Variants in HIRIP3 observed in about 807,000 individuals in gnomAD.
HIRIP3 encodes HIRA interacting protein 3, also known as HIRA-interacting protein 3.
HIRIP3 carries 40 observed loss-of-function variants against 50.3 expected under a neutral mutation model. The observed-to-expected ratio is 0.79, with a 90% CI of 0.62 to 1.03. The LOEUF is 1.03. Among genes scored for constraint, HIRIP3 ranks in the 50% least tolerant of loss-of-function variants. The pLI is 0.00. For missense variants in HIRIP3, 765 were observed against 705.4 expected (o/e 1.08, Z -0.96); for synonymous variants, 318 against 261.6 (o/e 1.22, Z -2.08).
rs745629063 is a variant in HIRIP3, at chr16:29,993,709, C to T, written c.1339G>A (p.Gly447Ser). 2 of 1,609,604 alleles carry T rather than the reference C, an allele frequency of 1.2e-6. No homozygotes were observed. The highest frequency in any genetic ancestry group is 1.1e-5 in the South Asian group (1 of 91,088). Residue 447 changes from glycine (G) to serine (S), a missense_variant, in exon 5 of 7, where the codon GGC (glycine) becomes AGC (serine). By Grantham distance (56) the Gly-to-Ser change is moderately conservative. Transcript: ENST00000279392. ...GAHRNYKKLL[G>S]SCCSHKERLS... ...CGCTCCTTGTGTGAGCAACAGGAGC[C>T]CAACAGCTTCTTGTAGTTTCGATGG...
rs145321753 is a variant in HIRIP3 at position 29,993,890 on chromosome 16, C to T, written c.1239+16G>A. The T allele has an allele frequency of 4.4e-6, 7 of 1,583,034 alleles. No homozygotes were observed. The highest frequency in any genetic ancestry group is 6.0e-6 in the Non-Finnish European group (7 of 1,162,572). On this transcript the variant is annotated intron_variant, in intron 4 of 6. Transcript: ENST00000279392. The stretch of plus-strand genomic sequence containing the variant: ...CTCTTCCCTAATAGTGGCCTCCCAC[C>T]CCTCCTCACCCTCACCTTCCCTCCT...
chr16:29,994,586 C>T lies in HIRIP3; in HGVS notation c.559G>A (p.Val187Ile), dbSNP rs770674805. 2 of 1,614,186 alleles carry T rather than the reference C, an allele frequency of 1.2e-6. No individual in the cohort carries two copies. The highest frequency in any genetic ancestry group is 1.1e-5 in the South Asian group (1 of 91,084). The change falls in exon 4 of 7, where the codon GTC becomes ATC. Residue 187 changes from valine to isoleucine, a missense_variant. Val to Ile is a conservative substitution (Grantham distance 29). Coordinates refer to ENST00000279392, the MANE Select transcript of HIRIP3 (RefSeq NM_003609.5). ...VKKQAPGKAS[V>I]SRKQAREESE... ...TCTTCCCTGGCCTGCTTCCTACTGA[C>T]TGAGGCCTTGCCTGGTGCCTGCTTC...
At chr16:29,995,710 C>A (rs551166516), upstream of HIRIP3, 6 of 1,435,904 alleles carry the variant, frequency 4.2e-6, no homozygotes, top group African/African-American at 1.4e-5. Flanking sequence ...CAACGTGGGG[C>A]GAGGGACCGT....
In HIRIP3 at chr16:29,995,427, T is replaced by C. The variant is rs2150916464; in HGVS notation, c.102A>G (p.Leu34=). The C allele has an allele frequency of 6.2e-7, 1 of 1,613,796 alleles. No individual in the cohort carries two copies. The highest frequency in any genetic ancestry group is 8.5e-7 in the Non-Finnish European group (1 of 1,179,906). Residue 34 remains leucine (L), a synonymous_variant, in exon 2 of 7, where the codon TTA becomes TTG. Transcript: ENST00000279392. ...CCAGGTGGCTGCGGCCCGAGTGAGC[T>C]AAGTACCTCCGCCGCACGATGGAAT... The part of the protein sequence containing the change: ...LTHSIVRRRY[L]AHSGRSHLEP...
At position 29,994,495 on chromosome 16, in the gene HIRIP3, G is replaced by T. The variant is rs371999310; in HGVS notation, c.650C>A (p.Thr217Asn). The T allele has an allele frequency of 1.7e-5, 28 of 1,613,776 alleles. No homozygotes were observed. The African/African-American group carries it at 3.6e-4, about 21-fold the overall frequency. ...CTGTTCACTTTCCTTCAGGCTTTTA[G>T]TTCCTTTATTTCCCTCCACCTTCTT... ...TAKKVEGNKG[T>N]KSLKESEQES... Residue 217 changes from threonine (T) to asparagine (N), a missense_variant, in exon 4 of 7, where the codon ACT becomes AAT. Transcript: ENST00000279392.
chr16:29,995,832 T>G (rs2070087387), upstream of HIRIP3: 1 of 611,474 alleles, frequency 1.6e-6, no homozygotes, highest in Admixed American at 3.0e-5. Context: ...CGGATCATTT[T>G]AAAAGTTCTC....
rs2070023007 is a variant in HIRIP3 at position 29,993,919 on chromosome 16, G to A, written c.1226C>T (p.Ala409Val). The A allele has an allele frequency of 6.4e-7, 1 of 1,567,792 alleles. No homozygotes were observed. The highest frequency in any genetic ancestry group is 8.6e-7 in the Non-Finnish European group (1 of 1,156,152). ...SSSSSDGSPE[A>V]KGGKAGSGRR... ...CCTCACCCTCACCTTCCCTCCTTTG[G>A]CCTCTGGACTTCCATCTGAGGAGGA... Residue 409 changes from alanine to valine, a missense_variant, in exon 4 of 7, where the codon GCC becomes GTC. Transcript: ENST00000279392.
Position 29,993,113 on chromosome 16 carries a change from T to C in HIRIP3, c.*94A>G, listed in dbSNP as rs2070005412. The C allele has an allele frequency of 8.9e-6, 11 of 1,229,780 alleles. No individual in the cohort carries two copies. The East Asian group carries it at 2.7e-4, about 30-fold the overall frequency. 76.2% of individuals were successfully genotyped at this position (1,229,780 alleles called of 1,614,324 possible). On this transcript the variant is annotated 3_prime_UTR_variant, in exon 7 of 7. Coordinates refer to ENST00000279392, the MANE Select transcript of HIRIP3 (RefSeq NM_003609.5). ...TGTCCTTGGGAGCTGCAGTCTTCTC[T>C]GAAGGAAGCTGCTTCTGTTCCACAG...
chr16:29,995,334 C>G lies in HIRIP3; in HGVS notation c.186+9G>C, dbSNP rs936584951. ...CGCCTCCCGCGGCCCAGGCTCCGGC[C>G]CGGCACACCTGCATCTTCAGCAGCT... On this transcript the variant is annotated intron_variant, in intron 2 of 6. Transcript: ENST00000279392. 2.5e-6 allele frequency: 4 copies of G among 1,609,466 alleles called. No homozygotes were observed. Among genetic ancestry groups the G allele is most frequent in the Non-Finnish European group, 3.4e-6 (4 of 1,177,908 alleles).
chr16:29,995,506 G>A (rs1001640977), intron 1 of HIRIP3, 35 bp downstream of exon 1: 2 of 1,613,496 alleles, frequency 1.2e-6, no homozygotes, highest in Admixed American at 3.3e-5. Flanking sequence ...ACCCACCCGC[G>A]CCCTTTCCAA....
At position 29,995,419 on chromosome 16, in the gene HIRIP3, G is replaced by C; in HGVS notation, c.110C>G (p.Ser37Trp). Residue 37 changes from serine (S) to tryptophan (W), a missense_variant, in exon 2 of 7, where the codon TCG becomes TGG. Transcript: ENST00000279392. ...SIVRRRYLAH[S>W]GRSHLEPEEK... ...CTCGGGCTCCAGGTGGCTGCGGCCC[G>C]AGTGAGCTAAGTACCTCCGCCGCAC... is the stretch of plus-strand genomic sequence containing the variant. The C allele has an allele frequency of 3.7e-6, 6 of 1,613,708 alleles. No individual in the cohort carries two copies. The highest frequency in any genetic ancestry group is 2.2e-5 in the East Asian group (1 of 44,874).
Position 29,994,121 on chromosome 16 carries a change from C to G in HIRIP3, c.1024G>C (p.Gly342Arg), listed in dbSNP as rs753854544. The G allele has an allele frequency of 1.2e-6, 2 of 1,614,096 alleles. No homozygotes were observed. The highest frequency in any genetic ancestry group is 2.2e-5 in the South Asian group (2 of 91,052). Residue 342 changes from glycine to arginine, a missense_variant, in exon 4 of 7, where the codon GGG becomes CGG. Physicochemically the swap from Gly to Arg is moderately radical, Grantham distance 125. Coordinates refer to ENST00000279392, the MANE Select transcript of HIRIP3 (RefSeq NM_003609.5). The part of the protein sequence containing the change: ...SSEDEEDSGK[G>R]EPTAKGSRKM... ...CTAGAGCCTTTAGCTGTGGGTTCCC[C>G]CTTCCCACTGTCTTCCTCGTCCTCG...
intron 3 of HIRIP3, 123 bp downstream of exon 3, chr16:29,994,980 G>A (rs2070054888): frequency 1.4e-6 from 2 of 1,474,418 alleles, no homozygotes; most frequent in African/African-American, 1.4e-5. Flanking sequence ...TGCTGTTCCC[G>A]GTTCCTGACT....
intron 6 of HIRIP3, 41 bp downstream of exon 6, chr16:29,993,418 C>T: frequency 6.3e-7 from 1 of 1,589,974 alleles, no homozygotes; most frequent in Non-Finnish European, 8.6e-7. Flanking sequence ...AAGGTCCAAC[C>T]CCACCTATCT....
In HIRIP3 at chr16:29,993,264, T is replaced by TGCGGGACGGGGCC. The variant is rs763439349; in HGVS notation, c.1601_1613dup (p.Pro539AlafsTer18). 1 of 1,566,774 alleles carries TGCGGGACGGGGCC rather than the reference T, an allele frequency of 6.4e-7. No homozygotes were observed. ...CACGCATATGTGACCAGTCTGGGGGTGCGGGACGGGGCCGCTCTTCATCTG... is the reference window on the plus strand; with the variant it reads ...CACGCATATGTGACCAGTCTGGGGGTGCGGGACGGGGCCGCGGGACGGGGCCGCTCTTCATCTG... On this transcript the variant is annotated frameshift_variant, in exon 7 of 7. Transcript: ENST00000279392. LOFTEE classifies it high-confidence loss of function.
In HIRIP3 at chr16:29,994,221, A is replaced by C. The variant is rs113027102; in HGVS notation, c.924T>G (p.Asp308Glu). ...AASSGDDSGR[D>E]REPPVQRKSE... is the part of the protein sequence containing the mutation. ...TCTTCCTCTGCACTGGGGGTTCTCT[A>C]TCTCTCCCACTGTCATCCCCACTGC... The change falls in exon 4 of 7, where the codon GAT becomes GAG. Residue 308 changes from aspartate to glutamate, a missense_variant. Physicochemically the swap from Asp to Glu is conservative, Grantham distance 45. Transcript: ENST00000279392. 5.7e-5 allele frequency: 92 copies of C among 1,612,980 alleles called. No homozygotes were observed. The highest frequency in any genetic ancestry group is 1.3e-4 in the Admixed American group (8 of 59,936).
Position 29,994,555 on chromosome 16 carries a change from T to G in HIRIP3, c.590A>C (p.Glu197Ala). 6.2e-7 allele frequency: 1 copy of G among 1,614,192 alleles called. No homozygotes were observed. Among genetic ancestry groups the G allele is most frequent in the South Asian group, 1.1e-5 (1 of 91,088 alleles). Residue 197 changes from glutamate (E) to alanine (A), a missense_variant, in exon 4 of 7, where the codon GAG becomes GCG. Coordinates refer to ENST00000279392, the MANE Select transcript of HIRIP3 (RefSeq NM_003609.5). ...VSRKQAREES[E>A]ESEAEPVQRT... ...CTGAACGGGTTCTGCCTCGCTCTCC[T>G]CACTTTCTTCCCTGGCCTGCTTCCT... is the stretch of plus-strand genomic sequence containing the variant.
At position 29,993,952 on chromosome 16, in the gene HIRIP3, C is replaced by T; in HGVS notation, c.1193G>A (p.Ser398Asn). ...KKSSRKGRTR[S>N]SSSSSDGSPE... is the part of the protein sequence containing the mutation. The stretch of plus-strand genomic sequence containing the variant: ...ACTTCCATCTGAGGAGGAAGAGGAG[C>T]TTCGTGTCCTGCCTTTCCTGGAGCT... The change falls in exon 4 of 7, where the codon AGC becomes AAC. Residue 398 changes from serine (S) to asparagine (N), a missense_variant. Coordinates refer to ENST00000279392, the MANE Select transcript of HIRIP3 (RefSeq NM_003609.5). The T allele has an allele frequency of 6.4e-7, 1 of 1,559,404 alleles. No homozygotes were observed. Among genetic ancestry groups the T allele is most frequent in the South Asian group, 1.2e-5 (1 of 81,934 alleles).
rs564027311 is a variant in HIRIP3 at position 29,993,653 on chromosome 16, C to G, written c.1395G>C (p.Ala465=). The G allele has an allele frequency of 6.2e-7, 1 of 1,612,208 alleles. No individual in the cohort carries two copies. The highest frequency in any genetic ancestry group is 1.7e-5 in the Admixed American group (1 of 60,004). Residue 465 remains alanine (A), a synonymous_variant, in exon 5 of 7, where the codon GCG becomes GCC. Transcript: ENST00000279392. The stretch of plus-strand genomic sequence containing the variant: ...GCCGGGCCTCACCCTTCATGCCTAG[C>G]GCTTCCAGTTCTGCCCGGAGGATAC... ...RLSILRAELE[A]LGMKGTPSLG... is the part of the protein sequence containing the mutation.
Sources: allele counts gnomAD v4.1 joint callset, GRCh38; gene constraint gnomAD v4.1.1; transcripts MANE v1.5; gene names NCBI Gene and HGNC (gene_info 2026-07-23, HGNC 2026-07-21).